SLIT3: variants seen among roughly 807,000 people sequenced by gnomAD.
SLIT3 encodes slit homolog 3 protein.
SLIT3 carries 68 observed loss-of-function variants against 184.0 expected under a neutral mutation model. The observed-to-expected ratio is 0.37, with a 90% confidence interval of 0.30 to 0.45. The LOEUF (loss-of-function observed/expected upper bound fraction) is 0.45, where lower values mean the gene tolerates loss of function less well. Among genes scored for constraint, SLIT3 ranks in the 20% least tolerant of loss-of-function variants. SLIT3 has a pLI of 1.00. For synonymous variants in SLIT3, 831 were observed against 828.6 expected (o/e 1.00, Z -0.05); for missense variants, 1,707 against 2,026.0 (o/e 0.84, Z 3.02).
At chr5:168,726,271 G>A (rs1313133196) in intron 20 of SLIT3, among the ~76,000 whole-genome samples, 5 of 150,362 alleles carry the variant, frequency 3.3e-5, no homozygotes, top group African/African-American at 1.2e-4. Context: ...GATGTACCAA[G>A]TATCGTATAT....
intron 4 of SLIT3, among the ~76,000 whole-genome samples, chr5:169,175,490 TG>T (rs1762955194): frequency 6.6e-6 from 1 of 152,146 alleles, no homozygotes; most frequent in African/African-American, 2.4e-5. Context: ...TAAAATGAAA[TG>T]GTAATACCCA....
intron 4 of SLIT3, among the ~76,000 whole-genome samples, chr5:168,994,448 A>T (rs1412526531): frequency 2.0e-5 from 3 of 152,008 alleles, no homozygotes; most frequent in Admixed American, 2.0e-4. Context: ...CCCAGAATTT[A>T]GTTATCTGTC....
chr5:169,049,088 C>A (rs560841121), intron 4 of SLIT3, among the ~76,000 whole-genome samples: 1 of 152,140 alleles, frequency 6.6e-6, no homozygotes, highest in Non-Finnish European at 1.5e-5. Flanking sequence ...GCCAGGGCTA[C>A]GGCAGGCAGG....
At chr5:168,963,848 G>A (rs1561577317) in intron 4 of SLIT3, among the ~76,000 whole-genome samples, 2 of 152,198 alleles carry the variant, frequency 1.3e-5, no homozygotes, top group South Asian at 2.1e-4. Flanking sequence ...TTTAGTTTAA[G>A]TAAAAACCAG....
chr5:168,667,171 G>A (rs1761084186), intron 35 of SLIT3, among the ~76,000 whole-genome samples: 1 of 152,224 alleles, frequency 6.6e-6, no homozygotes, highest in Non-Finnish European at 1.5e-5. Context: ...CTGCAGTGAT[G>A]GCTGAAGCTG....
intron 4 of SLIT3, among the ~76,000 whole-genome samples, chr5:168,956,942 T>TAA (rs35572186): frequency 1.8e-4 from 27 of 146,400 alleles, no homozygotes; most frequent in Middle Eastern, 3.5e-3. Flanking sequence ...ACATCCACTT[T>TAA]AAAAAAAAAA....
intron 2 of SLIT3, among the ~76,000 whole-genome samples, chr5:169,248,697 G>GT (rs1765678942): frequency 6.6e-6 from 1 of 152,196 alleles, no homozygotes; most frequent in Non-Finnish European, 1.5e-5. Context: ...CTGGGGTGGA[G>GT]TTTAACTTTT....
chr5:169,113,443 A>T (rs1317379336), intron 4 of SLIT3, among the ~76,000 whole-genome samples: 1 of 152,094 alleles, frequency 6.6e-6, no homozygotes, highest in Non-Finnish European at 1.5e-5. Flanking sequence ...TCTATATTAC[A>T]TTCGGTTTAT....
rs543136351 is a variant in SLIT3 at position 169,141,663 on chromosome 5, C to A, written c.413+51816G>T. Among the ~76,000 whole-genome samples the A allele has an allele frequency of 9.4e-4, 142 of 150,446 alleles. 5 individuals carry two copies. Among genetic ancestry groups the A allele is most frequent in the African/African-American group, 3.4e-3 (138 of 40,950 alleles). On this transcript the variant is annotated intron_variant, in intron 4 of 35. Transcript: ENST00000519560. ...CTGAGGCAGGGTAATGGCTTGAACC[C>A]GGGAGGCGGAGCTTGCAGTAAGCCG...
At chr5:168,905,087 G>A (rs1025197507) in intron 4 of SLIT3, among the ~76,000 whole-genome samples, 55 of 152,152 alleles carry the variant, frequency 3.6e-4, no homozygotes, top group African/African-American at 1.2e-3. Flanking sequence ...TGAGACAGGC[G>A]AATTGCTCGA....
chr5:169,113,603 A>C (rs980855690), intron 4 of SLIT3, among the ~76,000 whole-genome samples: 1 of 149,576 alleles, frequency 6.7e-6, no homozygotes, highest in Admixed American at 6.7e-5. Flanking sequence ...TCCTACCATG[A>C]CCCTCACTGA....
chr5:169,115,888 A>G (rs1581425157), intron 4 of SLIT3, among the ~76,000 whole-genome samples: 1 of 152,268 alleles, frequency 6.6e-6, no homozygotes, highest in East Asian at 1.9e-4. Context: ...CCCACTTTGG[A>G]CAAGGGCCAC....
chr5:169,233,536 C>T (rs764474193), intron 3 of SLIT3, among the ~76,000 whole-genome samples: 6 of 152,056 alleles, frequency 3.9e-5, no homozygotes, highest in Non-Finnish European at 8.8e-5. Flanking sequence ...ATACATGCAG[C>T]CTTTGTGCAC....
chr5:168,957,625 G>A (rs1184277291), intron 4 of SLIT3, among the ~76,000 whole-genome samples: 1 of 152,184 alleles, frequency 6.6e-6, no homozygotes, highest in African/African-American at 2.4e-5. Context: ...GCCAAGCCTG[G>A]TTGTGTCTCA....
Position 168,686,961 on chromosome 5 carries a change from G to C in SLIT3, c.3314+18C>G. The C allele has an allele frequency of 3.1e-6, 5 of 1,609,236 alleles. No homozygotes were observed. Among genetic ancestry groups the C allele is most frequent in the Non-Finnish European group, 4.3e-6 (5 of 1,175,980 alleles). On this transcript the variant is annotated intron_variant, in intron 30 of 35. Transcript: ENST00000519560. ...CTGGCCCAGGCTGTCTCCTTCCTGA[G>C]GTGCCCTCCTGCCTTACCTGAAGCC...
chr5:169,074,055 A>T (rs1305258360), intron 4 of SLIT3, among the ~76,000 whole-genome samples: 1 of 152,122 alleles, frequency 6.6e-6, no homozygotes, highest in Non-Finnish European at 1.5e-5. Context: ...ATTTGGAAAA[A>T]TCCTTTCTAG....
intron 3 of SLIT3, among the ~76,000 whole-genome samples, chr5:169,231,125 T>G (rs1308961783): frequency 6.6e-6 from 1 of 152,226 alleles, no homozygotes; most frequent in African/African-American, 2.4e-5. Flanking sequence ...ATGTCCCATA[T>G]CTGTATGGGT....
rs116229111 is a variant in SLIT3, at chr5:169,245,142, A to G, written c.270-366T>C. Among the ~76,000 whole-genome samples the G allele has an allele frequency of 7.0e-3, 1,059 of 152,304 alleles. 11 individuals are homozygous for G. Among genetic ancestry groups the G allele is most frequent in the African/African-American group, 0.024 (1,001 of 41,562 alleles). ...TCTTCCCTGGGAGCTCCCTCCTCCA[A>G]GGATTCAAAAATACTTCATTGAAAA... On this transcript the variant is annotated intron_variant, in intron 2 of 35. Coordinates refer to ENST00000519560, the MANE Select transcript of SLIT3 (RefSeq NM_003062.4).
intron 4 of SLIT3, among the ~76,000 whole-genome samples, chr5:169,011,783 A>G (rs1756164864): frequency 6.6e-6 from 1 of 152,232 alleles, no homozygotes; most frequent in African/African-American, 2.4e-5. Context: ...TGTTTTTGCT[A>G]TTACAAAAGC....
Sources: allele counts gnomAD v4.1 joint callset (sites outside exome capture counted in the v4.1 genomes callset), GRCh38; gene constraint gnomAD v4.1.1; transcripts MANE v1.5; gene names NCBI Gene and HGNC (gene_info 2026-07-23, HGNC 2026-07-21).